ALK: variants seen among roughly 807,000 people sequenced by gnomAD.
ALK encodes ALK receptor tyrosine kinase, also known as ALK tyrosine kinase receptor.
Under a neutral mutation model 163.1 loss-of-function variants are expected in ALK, and 74 were observed. The ratio of observed to expected loss-of-function variants is 0.45; its 90% confidence interval spans 0.38 to 0.55. The LOEUF (loss-of-function observed/expected upper bound fraction) is 0.55. Among genes scored for constraint, ALK ranks in the 20% least tolerant of loss-of-function variants. ALK has a pLI of 0.00. For missense variants in ALK, 2,063 were observed against 2,105.3 expected, an observed-to-expected ratio of 0.98 and a Z score of 0.39; for synonymous variants, 960 against 843.2, an observed-to-expected ratio of 1.14 and a Z score of -2.40.
chr2:29,563,287 C>T (rs531626906), intron 3 of ALK, among the ~76,000 whole-genome samples: 24 of 152,204 alleles, frequency 1.6e-4, no homozygotes, highest in South Asian at 6.2e-4. Flanking sequence ...GATTACAGAA[C>T]GGGAACACCT....
chr2:29,807,266 C>T (rs541644065), intron 1 of ALK, among the ~76,000 whole-genome samples: 1 of 152,300 alleles, frequency 6.6e-6, no homozygotes, highest in Admixed American at 6.5e-5. Flanking sequence ...GGAGACGAAT[C>T]TCTCCCCAGA....
chr2:29,494,358 C>A (rs59127157), intron 4 of ALK, among the ~76,000 whole-genome samples: 3 of 151,998 alleles, frequency 2.0e-5, no homozygotes, highest in Non-Finnish European at 4.4e-5. Context: ...ACAGGAGCTG[C>A]GGGAGAAATC....
chr2:29,542,211 T>G (rs577470103), intron 3 of ALK, among the ~76,000 whole-genome samples: 9 of 152,034 alleles, frequency 5.9e-5, no homozygotes, highest in Admixed American at 5.9e-4. Flanking sequence ...TTGTTTTGTT[T>G]TGTTTTTTTT....
At chr2:29,534,978 T>G (rs909161039) in intron 3 of ALK, among the ~76,000 whole-genome samples, 2 of 152,328 alleles carry the variant, frequency 1.3e-5, no homozygotes, top group Non-Finnish European at 2.9e-5. Context: ...GAGAGCTATC[T>G]CTTCATCAGC....
chr2:29,230,973 CA>C (rs1664185366), intron 15 of ALK, among the ~76,000 whole-genome samples: 1 of 152,194 alleles, frequency 6.6e-6, no homozygotes, highest in Admixed American at 6.5e-5. Context: ...ACCCGTTCTG[CA>C]GCCTTCGAGC....
intron 2 of ALK, among the ~76,000 whole-genome samples, chr2:29,703,392 T>G (rs983633561): frequency 1.3e-5 from 2 of 152,184 alleles, no homozygotes; most frequent in African/African-American, 4.8e-5. Flanking sequence ...CATGAATGAT[T>G]CACAGGAATA....
At chr2:29,485,111 A>C (rs753467307) in intron 4 of ALK, among the ~76,000 whole-genome samples, 20 of 152,156 alleles carry the variant, frequency 1.3e-4, no homozygotes, top group Non-Finnish European at 2.4e-4. Context: ...TATTTTCCCA[A>C]GTATTGATCC....
chr2:29,457,311 G>A (rs539165686), intron 4 of ALK, among the ~76,000 whole-genome samples: 1 of 152,252 alleles, frequency 6.6e-6, no homozygotes, highest in African/African-American at 2.4e-5. Flanking sequence ...CTATGCTCAG[G>A]TGAACTTCAG....
chr2:29,372,203 C>T (rs766608669), intron 5 of ALK, among the ~76,000 whole-genome samples: 4 of 152,190 alleles, frequency 2.6e-5, no homozygotes, highest in Non-Finnish European at 5.9e-5. Flanking sequence ...TTACCCCAAC[C>T]CACCTGTTGG....
intron 3 of ALK, among the ~76,000 whole-genome samples, chr2:29,612,978 C>T (rs1344825697): frequency 6.6e-6 from 1 of 152,164 alleles, no homozygotes; most frequent in Non-Finnish European, 1.5e-5. Context: ...ATGACCTCCT[C>T]TCACTCCAGG....
intron 1 of ALK, among the ~76,000 whole-genome samples, chr2:29,757,357 AG>A (rs1680564860): frequency 6.6e-6 from 1 of 152,160 alleles, no homozygotes; most frequent in African/African-American, 2.4e-5. Flanking sequence ...GACAAAGCCG[AG>A]GCATGGAAAG....
At chr2:29,688,052 G>A (rs1318595936) in intron 3 of ALK, among the ~76,000 whole-genome samples, 1 of 152,210 alleles carries the variant, frequency 6.6e-6, no homozygotes, top group East Asian at 1.9e-4. Context: ...ACTTTGGAGA[G>A]TTAGTGTTGT....
intron 5 of ALK, among the ~76,000 whole-genome samples, chr2:29,361,540 T>C (rs1056616808): frequency 6.6e-6 from 1 of 152,218 alleles, no homozygotes; most frequent in Non-Finnish European, 1.5e-5. Context: ...GGGCCAGCAG[T>C]GGAGAAGCTG....
chr2:29,691,248 GC>G (rs1558444130), intron 3 of ALK, among the ~76,000 whole-genome samples: 1 of 152,194 alleles, frequency 6.6e-6, no homozygotes, highest in African/African-American at 2.4e-5. Context: ...GGGCTGGGAG[GC>G]TGACCTCCTC....
At chr2:29,710,753 C>G (rs576919278) in intron 2 of ALK, among the ~76,000 whole-genome samples, 12 of 152,258 alleles carry the variant, frequency 7.9e-5, no homozygotes, top group African/African-American at 2.9e-4. Flanking sequence ...CTCAGGTGAT[C>G]CACCTGCTTG....
intron 1 of ALK, among the ~76,000 whole-genome samples, chr2:29,881,588 C>A (rs1432632383): frequency 1.3e-5 from 2 of 152,286 alleles, no homozygotes; most frequent in East Asian, 1.9e-4. Context: ...GCTGTCTCCC[C>A]GCCTCCTGCG....
chr2:29,312,533 G>A lies in ALK; in HGVS notation c.1647+5771C>T, dbSNP rs909578866. ...TCTGGTCACAGGAGATGGCGTGGCT[G>A]TTGGGCTGTGGGGCAGGAGGGAGGC... On this transcript the variant is annotated intron_variant, in intron 8 of 28. Coordinates refer to ENST00000389048, the MANE Select transcript of ALK (RefSeq NM_004304.5). 1.1e-4 allele frequency among the ~76,000 whole-genome samples: 16 copies of A among 152,182 alleles called. 1 individual carries two copies. The highest frequency in any genetic ancestry group is 3.9e-4 in the African/African-American group (16 of 41,420).
intron 1 of ALK, among the ~76,000 whole-genome samples, chr2:29,863,957 G>A (rs548607953): frequency 1.3e-5 from 2 of 152,288 alleles, no homozygotes; most frequent in South Asian, 4.1e-4. Context: ...CCAACAGCCT[G>A]TCGTGCATCT....
intron 1 of ALK, among the ~76,000 whole-genome samples, chr2:29,787,267 T>C (rs1482020163): frequency 2.0e-5 from 3 of 152,234 alleles, no homozygotes; most frequent in Non-Finnish European, 4.4e-5. Context: ...TCATCTAGAA[T>C]ACATGTACTT....
Sources: gnomAD v4.1 joint callset for allele counts (sites outside exome capture counted in the v4.1 genomes callset) on GRCh38, gnomAD v4.1.1 for gene constraint, MANE v1.5 for transcripts, NCBI Gene and HGNC (gene_info 2026-07-23, HGNC 2026-07-21) for gene names.